Variants in PPIL6 observed in about 807,000 individuals in gnomAD.
PPIL6 encodes peptidylprolyl isomerase like 6, also known as probable inactive peptidyl-prolyl cis-trans isomerase-like 6.
A neutral mutation model predicts 36.8 loss-of-function variants in PPIL6; 39 were observed. The ratio of observed to expected loss-of-function variants is 1.06; its 90% CI spans 0.82 to 1.38. The LOEUF (loss-of-function observed/expected upper bound fraction) is 1.38. Among genes scored for constraint, PPIL6 ranks in the 40% most tolerant of loss-of-function variants. The pLI, the probability that PPIL6 is intolerant of heterozygous loss-of-function variation, is 0.00. For synonymous variants in PPIL6, 123 were observed against 134.1 expected (o/e 0.92, Z 0.57); for missense variants, 368 against 379.1 (o/e 0.97, Z 0.24).
At chr6:109,403,131 T>TAAATTTA in intron 6 of PPIL6, 1 of 1,439,608 alleles carries the variant, frequency 6.9e-7, no homozygotes, top group Non-Finnish European at 9.2e-7. Flanking sequence ...AGCTATAATT[T>TAAATTTA]AAATTTAAAT....
Position 109,424,142 on chromosome 6 carries a change from G to A in PPIL6, c.631+2705C>T, listed in dbSNP as rs183661612. 3.9e-5 allele frequency among the ~76,000 whole-genome samples: 6 copies of A among 152,266 alleles called. No homozygotes were observed. In the East Asian group the frequency reaches 1.2e-3, roughly 29 times the overall value. ...AGCGGTGTGTGTGGACAGGAAGATG[G>A]CAGTTTCATATAGGGTGGTCCGGTA... is the stretch of plus-strand genomic sequence containing the variant. On this transcript the variant is annotated intron_variant, in intron 5 of 7. Coordinates refer to ENST00000521072, the MANE Select transcript of PPIL6 (RefSeq NM_173672.5).
At chr6:109,414,500 TTTGA>T (rs1391785063) in intron 6 of PPIL6, among the ~76,000 whole-genome samples, 3 of 121,348 alleles carry the variant, frequency 2.5e-5, no homozygotes, top group East Asian at 2.4e-4. Flanking sequence ...TTTTTTTTTT[TTTGA>T]GACAAGGTCT....
At chr6:109,432,719 C>T (rs1774221666) in intron 2 of PPIL6, among the ~76,000 whole-genome samples, 1 of 152,106 alleles carries the variant, frequency 6.6e-6, no homozygotes, top group African/African-American at 2.4e-5. Flanking sequence ...CTCAGCCTCC[C>T]AAAGTGTTGG....
chr6:109,424,503 A>G (rs990149248), intron 5 of PPIL6, among the ~76,000 whole-genome samples: 1 of 152,192 alleles, frequency 6.6e-6, no homozygotes, highest in African/African-American at 2.4e-5. Context: ...CTGTCCTCCA[A>G]AATTCTACAT....
chr6:109,433,059 C>CT (rs1216661459), intron 2 of PPIL6, among the ~76,000 whole-genome samples: 295 of 140,910 alleles, frequency 2.1e-3, no homozygotes, highest in African/African-American at 2.4e-3. Flanking sequence ...CCAAAACTTT[C>CT]TTTTTTTTTT....
chr6:109,438,270 A>G (rs1221645340), intron 1 of PPIL6, among the ~76,000 whole-genome samples: 1 of 151,928 alleles, frequency 6.6e-6, no homozygotes, highest in Non-Finnish European at 1.5e-5. Flanking sequence ...ATACATTCAG[A>G]TATCCTTTAT....
rs180994400 is a variant in PPIL6 at position 109,392,749 on chromosome 6, G to T, written c.*77C>A. Reference sequence around the variant, plus strand: ...CGGCTTTCAAATTACAATTTATCAAGTACTTTTTAATTAAATCCACAAACA... The same window carrying T: ...CGGCTTTCAAATTACAATTTATCAATTACTTTTTAATTAAATCCACAAACA... On this transcript the variant is annotated 3_prime_UTR_variant, in exon 8 of 8. Transcript: ENST00000521072. 1.6e-4 allele frequency: 143 copies of T among 906,576 alleles called. No homozygotes were observed. In the East Asian group the frequency reaches 3.3e-3, roughly 21 times the overall value. The allele number at this position is 906,576 out of a possible 1,614,324, so 56.2% of individuals were successfully genotyped here.
Position 109,432,432 on chromosome 6 carries a change from C to A in PPIL6, c.232-1087G>T, listed in dbSNP as rs529345349. On this transcript the variant is annotated intron_variant, in intron 2 of 7. Coordinates refer to ENST00000521072, the MANE Select transcript of PPIL6 (RefSeq NM_173672.5). ...TGAGGGACTTCCCCTCTGAGGAGATCTGGTTTATTATTACCCAGTACCAGC... is the reference window on the plus strand; with the variant it reads ...TGAGGGACTTCCCCTCTGAGGAGATATGGTTTATTATTACCCAGTACCAGC... Among the ~76,000 whole-genome samples the A allele has an allele frequency of 1.9e-4, 29 of 152,182 alleles. No homozygotes were observed. In the South Asian group the frequency reaches 5.0e-3, roughly 26 times the overall value.
chr6:109,433,859 G>A (rs913365829), intron 2 of PPIL6, among the ~76,000 whole-genome samples: 9 of 152,326 alleles, frequency 5.9e-5, no homozygotes, highest in Non-Finnish European at 1.0e-4. Flanking sequence ...GTGGAACGAA[G>A]CAGCAATGAT....
At position 109,440,412 on chromosome 6, in the gene PPIL6, G is replaced by A. The variant is rs553403944; in HGVS notation, c.135+44C>T. 17 of 1,530,198 alleles carry A rather than the reference G, an allele frequency of 1.1e-5. 1 individual carries two copies. The African/African-American group carries it at 2.2e-4, about 20-fold the overall frequency. The allele number at this position is 1,530,198 out of a possible 1,614,324, so 94.8% of individuals were successfully genotyped here. On this transcript the variant is annotated intron_variant, in intron 1 of 7. Transcript: ENST00000521072. ...CTGCAGTCCACGCGGCCGAGAGCGG[G>A]TAGCGGGGAGGGCCGCCCACGACGG...
rs971042599 is a variant in PPIL6 at position 109,431,458 on chromosome 6, G to C, written c.232-113C>G. ...TCTAGGTCTGAATTTGTCAACTCTA[G>C]TATTGAATCTTTTAAAAATAAGTTT... is the stretch of plus-strand genomic sequence containing the variant. On this transcript the variant is annotated intron_variant, in intron 2 of 7. Transcript: ENST00000521072. The C allele has an allele frequency of 1.6e-5, 9 of 570,602 alleles. No individual in the cohort carries two copies. The Admixed American group carries it at 2.3e-4, about 15-fold the overall frequency. The allele number at this position is 570,602 out of a possible 1,614,324, so 35.3% of individuals were successfully genotyped here.
intron 2 of PPIL6, among the ~76,000 whole-genome samples, chr6:109,432,245 T>C (rs80261485): frequency 0.018 from 2,710 of 152,230 alleles, 50 homozygotes; most frequent in Middle Eastern, 0.037. Flanking sequence ...GGTTAGGAAA[T>C]GACTTACGAG....
At chr6:109,410,952 A>G (rs963054193) in intron 6 of PPIL6, among the ~76,000 whole-genome samples, 4 of 152,188 alleles carry the variant, frequency 2.6e-5, no homozygotes, top group Non-Finnish European at 4.4e-5. Context: ...TAAAGCATAA[A>G]TACCACATCC....
chr6:109,420,327 C>G (rs61076041), intron 5 of PPIL6, among the ~76,000 whole-genome samples: 29,139 of 91,604 alleles, frequency 0.32, 3,684 homozygotes, highest in Middle Eastern at 0.48. Flanking sequence ...TGTGAGACTC[C>G]ATCTCAAAAA....
chr6:109,401,940 G>T (rs756842827), intron 6 of PPIL6, among the ~76,000 whole-genome samples: 11 of 151,890 alleles, frequency 7.2e-5, no homozygotes, highest in Non-Finnish European at 1.3e-4. Flanking sequence ...TGCTAGGATG[G>T]TCTCTATCTC....
rs3054660 is a variant in PPIL6 at position 109,392,195 on chromosome 6, C to CAG, written c.*629_*630dup. 0.52 allele frequency: 79,221 copies of CAG among 151,712 alleles called. 21,791 individuals carry two copies. The highest frequency in any genetic ancestry group is 0.71 in the African/African-American group (29,398 of 41,312). 9.4% of individuals were successfully genotyped at this position (151,712 alleles called of 1,614,324 possible). On this transcript the variant is annotated 3_prime_UTR_variant, in exon 8 of 8. Coordinates refer to ENST00000521072, the MANE Select transcript of PPIL6 (RefSeq NM_173672.5). The stretch of plus-strand genomic sequence containing the variant: ...ACTTGGCCTTTCTTTTTTTTTGAGA[C>CAG]AGTCTCTCTCTGTCGCCAGGCTGGA...
At position 109,431,202 on chromosome 6, in the gene PPIL6, G is replaced by A. The variant is rs760917679; in HGVS notation, c.375C>T (p.Asp125=). The A allele has an allele frequency of 2.7e-5, 43 of 1,612,948 alleles. No individual in the cohort carries two copies. Among genetic ancestry groups the A allele is most frequent in the Middle Eastern group, 1.6e-4 (1 of 6,082 alleles). The part of the protein sequence containing the change: ...IVDIKPSALY[D]ALTEDFSAKF... ...TAGCGGAAAAATCCTCAGTGAGTGC[G>A]TCATAAAGTGCAGAGGGTTTAATGT... is the stretch of plus-strand genomic sequence containing the variant. The change falls in exon 3 of 8, where the codon GAC becomes GAT. Residue 125 remains aspartate, a synonymous_variant. Coordinates refer to ENST00000521072, the MANE Select transcript of PPIL6 (RefSeq NM_173672.5).
intron 6 of PPIL6, among the ~76,000 whole-genome samples, chr6:109,416,344 A>G (rs925054663): frequency 3.9e-4 from 59 of 151,918 alleles, no homozygotes; most frequent in African/African-American, 1.4e-3. Flanking sequence ...CTGGGATTAC[A>G]GGCACCTGCC....
chr6:109,426,761 C>A, intron 5 of PPIL6, 86 bp downstream of exon 5: 1 of 915,458 alleles, frequency 1.1e-6, no homozygotes, highest in Non-Finnish European at 1.6e-6. Flanking sequence ...ATATCTAATT[C>A]TACATACATT....
Sources: allele counts gnomAD v4.1 joint callset (sites outside exome capture counted in the v4.1 genomes callset), GRCh38; gene constraint gnomAD v4.1.1; transcripts MANE v1.5; gene names NCBI Gene and HGNC (gene_info 2026-07-23, HGNC 2026-07-21).